The following CALB2 variants were observed in gnomAD, a reference collection of about 807,000 sequenced individuals.
CALB2 encodes the protein calbindin 2.
A neutral mutation model predicts 45.9 loss-of-function variants in CALB2; 34 were observed. The ratio of observed to expected loss-of-function variants is 0.74; its 90% CI spans 0.56 to 0.99. The LOEUF (loss-of-function observed/expected upper bound fraction) is 0.99. Ranked by LOEUF, CALB2 falls within the 50% of genes least tolerant of loss-of-function variation. CALB2 has a pLI of 0.00. For synonymous variants in CALB2, 142 were observed against 129.6 expected (o/e 1.10, Z -0.65); for missense variants, 344 against 339.3 (o/e 1.01, Z -0.11).
At chr16:71,387,659 C>T (rs563796161) in intron 10 of CALB2, among the ~76,000 whole-genome samples, 1 of 152,134 alleles carries the variant, frequency 6.6e-6, no homozygotes, top group African/African-American at 2.4e-5. Flanking sequence ...TTAAGTGAAA[C>T]TTATAGGAAG....
intron 1 of CALB2, among the ~76,000 whole-genome samples, chr16:71,368,280 T>C (rs918353461): frequency 5.9e-5 from 9 of 152,094 alleles, no homozygotes; most frequent in African/African-American, 1.9e-4. Flanking sequence ...CCCAGCACTT[T>C]GGGAGGCCAA....
At chr16:71,377,869 T>A in intron 4 of CALB2, 122 bp downstream of exon 4, 1 of 651,296 alleles carries the variant, frequency 1.5e-6, no homozygotes, top group Non-Finnish European at 2.7e-6. Flanking sequence ...CTTAGAGCTC[T>A]GCTACTCAAA....
At chr16:71,378,383 TA>T (rs771371930) in intron 4 of CALB2, among the ~76,000 whole-genome samples, 3,159 of 137,768 alleles carry the variant, frequency 0.023, 76 homozygotes, top group African/African-American at 0.063. Flanking sequence ...AACAGGAATT[TA>T]AAAAAAAAAA....
intron 1 of CALB2, among the ~76,000 whole-genome samples, chr16:71,367,911 C>G (rs1447166059): frequency 6.6e-6 from 1 of 152,086 alleles, no homozygotes; most frequent in Non-Finnish European, 1.5e-5. Flanking sequence ...ACAGGGCTGC[C>G]CTTCTAGCTC....
intron 1 of CALB2, among the ~76,000 whole-genome samples, chr16:71,367,981 G>A (rs1038831249): frequency 6.6e-6 from 1 of 152,142 alleles, no homozygotes; most frequent in African/African-American, 2.4e-5. Context: ...CTTCCCAGAG[G>A]CTGAGGCTTC....
At chr16:71,389,570 G>C (rs2042612391) in intron 10 of CALB2, 179 bp from the exon 11 acceptor site, 1 of 747,542 alleles carries the variant, frequency 1.3e-6, no homozygotes, top group Admixed American at 1.7e-5. Context: ...AAGTGAAAGA[G>C]AGGCTTTAAC....
intron 1 of CALB2, among the ~76,000 whole-genome samples, chr16:71,363,902 AC>A (rs1226660844): frequency 2.0e-5 from 3 of 152,106 alleles, no homozygotes; most frequent in Non-Finnish European, 2.9e-5. Flanking sequence ...CTTTCTCTGA[AC>A]CCTGTTAGTG....
intron 2 of CALB2, among the ~76,000 whole-genome samples, 185 bp from the exon 3 acceptor site, chr16:71,374,560 A>G (rs1567538522): frequency 2.6e-5 from 4 of 152,164 alleles, no homozygotes; most frequent in Non-Finnish European, 4.4e-5. Flanking sequence ...CTTGAAGAAG[A>G]GATGACTTAA....
chr16:71,386,963 C>T (rs570394850), intron 10 of CALB2, among the ~76,000 whole-genome samples: 1 of 152,280 alleles, frequency 6.6e-6, no homozygotes, highest in Non-Finnish European at 1.5e-5. Context: ...GAAGTACTCA[C>T]CAGGTGTTTG....
At chr16:71,367,574 G>A (rs896210998) in intron 1 of CALB2, among the ~76,000 whole-genome samples, 1 of 152,062 alleles carries the variant, frequency 6.6e-6, no homozygotes, top group Non-Finnish European at 1.5e-5. Flanking sequence ...GCCCTGCAGC[G>A]CCACCTGCCG....
intron 10 of CALB2, among the ~76,000 whole-genome samples, chr16:71,386,490 G>C (rs1397273218): frequency 6.6e-6 from 1 of 152,222 alleles, no homozygotes; most frequent in East Asian, 1.9e-4. Flanking sequence ...TCCTCTCAAA[G>C]AAAAGGCAAA....
At chr16:71,385,040 G>C (rs1598176473) in intron 9 of CALB2, among the ~76,000 whole-genome samples, 1 of 152,280 alleles carries the variant, frequency 6.6e-6, no homozygotes, top group Middle Eastern at 3.4e-3. Flanking sequence ...GGTTTCTGCA[G>C]AGTGCAGCCG....
chr16:71,380,470 G>A (rs946967972), intron 4 of CALB2, among the ~76,000 whole-genome samples: 5 of 151,356 alleles, frequency 3.3e-5, no homozygotes, highest in African/African-American at 9.7e-5. Flanking sequence ...CACCACTTCC[G>A]GTGAATTTTG....
chr16:71,387,458 G>A (rs2042583541), intron 10 of CALB2, among the ~76,000 whole-genome samples: 1 of 150,366 alleles, frequency 6.7e-6, no homozygotes, highest in African/African-American at 2.4e-5. Flanking sequence ...GGAACGGAAG[G>A]GCCTTTTTTT....
chr16:71,370,723 C>G (rs2042340322), intron 1 of CALB2, among the ~76,000 whole-genome samples: 1 of 152,012 alleles, frequency 6.6e-6, no homozygotes, highest in African/African-American at 2.4e-5. Context: ...ACAGCAAGAC[C>G]CTGTCTCAAA....
chr16:71,366,023 TC>T lies in CALB2; in HGVS notation c.95-6129del, dbSNP rs1330491515. On this transcript the variant is annotated intron_variant, in intron 1 of 10. Coordinates refer to ENST00000302628, the MANE Select transcript of CALB2 (RefSeq NM_001740.5). ...TTCTTTGTTTTCTTCCCTCTCTCTC[TC>T]TTTTTTTTTTTTTTTTTTTTGAGAT... is the stretch of plus-strand genomic sequence containing the variant. Among the ~76,000 whole-genome samples the T allele has an allele frequency of 9.0e-4, 44 of 48,720 alleles. 9 individuals carry two copies. The highest frequency in any genetic ancestry group is 0.012 in the Middle Eastern group (1 of 86). 32.0% of individuals were successfully genotyped at this position (48,720 alleles called of 152,430 possible). A position where few individuals can be genotyped will look rare whatever the true frequency, so the allele number is the denominator to read the frequency against.
At chr16:71,364,537 G>A (rs977940630) in intron 1 of CALB2, among the ~76,000 whole-genome samples, 10 of 152,184 alleles carry the variant, frequency 6.6e-5, no homozygotes, top group Non-Finnish European at 1.2e-4. Context: ...CGGCCCATCT[G>A]GGGCCTCTGG....
chr16:71,376,507 A>G lies in CALB2; in HGVS notation c.262-1160A>G, dbSNP rs145587826. Among the ~76,000 whole-genome samples, 38 of 152,204 alleles carry G rather than the reference A, an allele frequency of 2.5e-4. No homozygotes were observed. The East Asian group carries it at 7.3e-3, about 29-fold the overall frequency. On this transcript the variant is annotated intron_variant, in intron 3 of 10. Transcript: ENST00000302628. ...CATGCATCCACATACATCCACATAT[A>G]CCCACATACATCCACATACAACCAC...
chr16:71,364,869 A>G (rs1258505200), intron 1 of CALB2, among the ~76,000 whole-genome samples: 1 of 152,206 alleles, frequency 6.6e-6, no homozygotes, highest in African/African-American at 2.4e-5. Flanking sequence ...AAATGCAGAT[A>G]TGGACAGACA....
Sources: gnomAD v4.1 joint callset for allele counts (sites outside exome capture counted in the v4.1 genomes callset) on GRCh38, gnomAD v4.1.1 for gene constraint, MANE v1.5 for transcripts, NCBI Gene and HGNC (gene_info 2026-07-23, HGNC 2026-07-21) for gene names.